FMN2: variants seen among roughly 807,000 people sequenced by gnomAD.
FMN2 encodes formin-2.
Under a neutral mutation model 142.3 loss-of-function variants are expected in FMN2, and 51 were observed. That is an observed-to-expected ratio of 0.36 (90% CI 0.29 to 0.45). FMN2 has a LOEUF of 0.45. Ranked by LOEUF, FMN2 falls within the 20% of genes least tolerant of loss-of-function variation. The pLI, the probability that FMN2 is intolerant of heterozygous loss-of-function variation, is 1.00. For synonymous variants in FMN2, 882 were observed against 869.8 expected (o/e 1.01, Z -0.25); for missense variants, 1,936 against 2,122.8 (o/e 0.91, Z 1.73).
At chr1:240,188,101 G>C in intron 3 of FMN2, 106 bp from the exon 4 acceptor site, 1 of 1,042,532 alleles carries the variant, frequency 9.6e-7, no homozygotes, top group South Asian at 1.5e-5. Context: ...ATATTTTTTG[G>C]TACTTATGGT....
At chr1:240,228,710 AC>A (rs948002091) in intron 6 of FMN2, among the ~76,000 whole-genome samples, 1 of 152,130 alleles carries the variant, frequency 6.6e-6, no homozygotes, top group African/African-American at 2.4e-5. Context: ...AGCACTTGTT[AC>A]CCATAGAATG....
intron 6 of FMN2, among the ~76,000 whole-genome samples, chr1:240,222,610 CT>C (rs1270389394): frequency 6.6e-6 from 1 of 151,876 alleles, no homozygotes; most frequent in African/African-American, 2.4e-5. Flanking sequence ...AATATTGATT[CT>C]TCCTATCCAT....
intron 15 of FMN2, among the ~76,000 whole-genome samples, chr1:240,412,918 C>T (rs1379231522): frequency 2.0e-5 from 3 of 151,434 alleles, no homozygotes; most frequent in African/African-American, 4.9e-5. Context: ...GTCAGGAGAT[C>T]GAGACCATCC....
At chr1:240,214,225 C>T (rs1427394359) in intron 6 of FMN2, among the ~76,000 whole-genome samples, 1 of 152,036 alleles carries the variant, frequency 6.6e-6, no homozygotes, top group Non-Finnish European at 1.5e-5. Flanking sequence ...TGATGTAGAA[C>T]CCCGTCTCTT....
At chr1:240,232,787 T>C (rs1029758030) in intron 6 of FMN2, among the ~76,000 whole-genome samples, 1 of 152,230 alleles carries the variant, frequency 6.6e-6, no homozygotes, top group Admixed American at 6.5e-5. Context: ...TACCCTGTTT[T>C]AATAACCACG....
chr1:240,355,748 G>A, intron 13 of FMN2, 68 bp from the exon 14 acceptor site: 1 of 1,082,046 alleles, frequency 9.2e-7, no homozygotes, highest in Non-Finnish European at 1.4e-6. Context: ...TAGCTAAGAT[G>A]TTTTCAAAAT....
At chr1:240,364,661 A>C (rs971456877) in intron 14 of FMN2, among the ~76,000 whole-genome samples, 1 of 152,178 alleles carries the variant, frequency 6.6e-6, no homozygotes, top group African/African-American at 2.4e-5. Flanking sequence ...CTGAGGAGTG[A>C]CAGGGAATCG....
chr1:240,418,443 C>G (rs1388350397), intron 15 of FMN2, among the ~76,000 whole-genome samples: 1 of 152,272 alleles, frequency 6.6e-6, no homozygotes, highest in East Asian at 1.9e-4. Flanking sequence ...GATCCCCTCA[C>G]CTCAGCCTCC....
chr1:240,196,447 T>G (rs1486784679), intron 4 of FMN2, among the ~76,000 whole-genome samples: 1 of 152,194 alleles, frequency 6.6e-6, no homozygotes, highest in Non-Finnish European at 1.5e-5. Flanking sequence ...TCTCAGGCCC[T>G]ACCCAGACCT....
intron 6 of FMN2, among the ~76,000 whole-genome samples, chr1:240,217,556 C>G (rs994517236): frequency 6.6e-5 from 10 of 151,954 alleles, no homozygotes; most frequent in Non-Finnish European, 1.2e-4. Flanking sequence ...CTATTGCAAG[C>G]CTTAAAAATG....
intron 14 of FMN2, among the ~76,000 whole-genome samples, chr1:240,382,648 G>A (rs984690540): frequency 1.3e-5 from 2 of 151,738 alleles, no homozygotes; most frequent in African/African-American, 4.8e-5. Context: ...GTGACAGAGT[G>A]AGACTCCCTC....
chr1:240,368,437 G>A (rs769150316), intron 14 of FMN2, among the ~76,000 whole-genome samples: 5 of 152,042 alleles, frequency 3.3e-5, no homozygotes, highest in Non-Finnish European at 5.9e-5. Flanking sequence ...ATTTCCATAT[G>A]TTTTTGTACA....
At chr1:240,472,072 G>T in intron 16 of FMN2, 1 of 245,954 alleles carries the variant, frequency 4.1e-6, no homozygotes, top group Non-Finnish European at 7.6e-6. Context: ...TTGTATATAA[G>T]ATTCCTTTTA....
In FMN2 at chr1:240,344,045, G is replaced by C. The variant is rs531978792; in HGVS notation, c.4765+9816G>C. 2.6e-5 allele frequency among the ~76,000 whole-genome samples: 4 copies of C among 152,234 alleles called. No homozygotes were observed. The South Asian group carries it at 8.3e-4, about 32-fold the overall frequency. On this transcript the variant is annotated intron_variant, in intron 13 of 17. Coordinates refer to ENST00000319653, the MANE Select transcript of FMN2 (RefSeq NM_020066.5). ...TCAACAAACTTCTATACTTTATAAG[G>C]AATTTTCATTTTACTCTAAATGCAA...
chr1:240,398,495 A>G (rs186056752), intron 15 of FMN2, among the ~76,000 whole-genome samples: 90 of 152,352 alleles, frequency 5.9e-4, no homozygotes, highest in African/African-American at 2.0e-3. Context: ...CTAGCAAATG[A>G]CAAAATCGTT....
intron 6 of FMN2, among the ~76,000 whole-genome samples, chr1:240,213,983 C>A (rs187628564): frequency 6.6e-6 from 1 of 152,270 alleles, no homozygotes; most frequent in South Asian, 2.1e-4. Context: ...TGAAGAATAT[C>A]TTGTATTTCC....
chr1:240,399,973 G>A (rs532559214), intron 15 of FMN2, among the ~76,000 whole-genome samples: 1 of 152,292 alleles, frequency 6.6e-6, no homozygotes, highest in East Asian at 1.9e-4. Flanking sequence ...TGAGAAGGCA[G>A]ATTTTGTTTG....
intron 15 of FMN2, among the ~76,000 whole-genome samples, chr1:240,402,568 T>C (rs4659971): frequency 0.57 from 86,366 of 152,152 alleles, 25,934 homozygotes; most frequent in Non-Finnish European, 0.65. Flanking sequence ...TATTACAAGA[T>C]GGATTTCGGC....
chr1:240,125,974 G>A (rs531026985), intron 2 of FMN2, among the ~76,000 whole-genome samples: 1 of 151,976 alleles, frequency 6.6e-6, no homozygotes, highest in Non-Finnish European at 1.5e-5. Context: ...CATTGGCTCT[G>A]TACGACCTCT....
Sources: gnomAD v4.1 joint callset for allele counts (sites outside exome capture counted in the v4.1 genomes callset) on GRCh38, gnomAD v4.1.1 for gene constraint, MANE v1.5 for transcripts, NCBI Gene and HGNC (gene_info 2026-07-23, HGNC 2026-07-21) for gene names.